The following CTNNA3 variants were observed in gnomAD, a reference collection of about 807,000 sequenced individuals.
CTNNA3 encodes catenin alpha 3, also known as catenin alpha-3.
A neutral mutation model predicts 95.7 loss-of-function variants in CTNNA3; 76 were observed. That is an observed-to-expected ratio of 0.79 (90% CI 0.66 to 0.96). CTNNA3 has a LOEUF of 0.96. CTNNA3 is among the 40% of genes least tolerant of loss of function. The probability of loss-of-function intolerance (pLI) is 0.00; values close to 1 mark genes in which losing one functional copy is unlikely to be tolerated. For missense variants in CTNNA3, 1,191 were observed against 1,089.8 expected, an observed-to-expected ratio of 1.09 and a Z score of -1.31; for synonymous variants, 431 against 374.4, an observed-to-expected ratio of 1.15 and a Z score of -1.74.
chr10:66,119,330 A>G (rs1390915223), intron 13 of CTNNA3, among the ~76,000 whole-genome samples: 1 of 152,214 alleles, frequency 6.6e-6, no homozygotes, highest in African/African-American at 2.4e-5. Context: ...ATTATTTGTA[A>G]GATGAAATTG....
chr10:66,103,073 T>C, intron 14 of CTNNA3, 84 bp downstream of exon 14: 1 of 1,108,940 alleles, frequency 9.0e-7, no homozygotes, highest in South Asian at 1.2e-5. Context: ...GTCCCACCCA[T>C]TAGAGGCTGC....
intron 11 of CTNNA3, among the ~76,000 whole-genome samples, chr10:66,425,812 C>T (rs988414364): frequency 6.6e-6 from 1 of 151,890 alleles, no homozygotes; most frequent in Non-Finnish European, 1.5e-5. Flanking sequence ...CTTTCACAAA[C>T]CAACCACACA....
chr10:67,728,071 ATAT>A (rs1841252715), intron 1 of CTNNA3, among the ~76,000 whole-genome samples: 2 of 140,724 alleles, frequency 1.4e-5, no homozygotes, highest in South Asian at 4.2e-4. Context: ...TGTATATTAC[ATAT>A]TATATATTAT....
intron 5 of CTNNA3, among the ~76,000 whole-genome samples, chr10:67,510,401 C>T (rs1839576461): frequency 6.6e-6 from 1 of 151,254 alleles, no homozygotes; most frequent in Non-Finnish European, 1.5e-5. Context: ...CAGCTTTCTA[C>T]ATATGGCTAG....
chr10:67,211,412 C>T (rs868740215), intron 6 of CTNNA3, among the ~76,000 whole-genome samples: 1 of 152,058 alleles, frequency 6.6e-6, no homozygotes, highest in Non-Finnish European at 1.5e-5. Context: ...CAAGAGCAAA[C>T]AAGGTCTAAT....
chr10:67,359,217 G>A (rs1842916918), intron 5 of CTNNA3, among the ~76,000 whole-genome samples: 1 of 148,240 alleles, frequency 6.7e-6, no homozygotes, highest in Non-Finnish European at 1.5e-5. Flanking sequence ...AAACAAAAAG[G>A]CCCATTCAAA....
intron 7 of CTNNA3, among the ~76,000 whole-genome samples, chr10:67,069,138 A>C (rs1564869502): frequency 6.6e-6 from 1 of 152,052 alleles, no homozygotes; most frequent in Non-Finnish European, 1.5e-5. Flanking sequence ...TTTAAGAGGA[A>C]ATGGGAGGTA....
intron 7 of CTNNA3, among the ~76,000 whole-genome samples, chr10:66,818,306 T>C (rs1842167677): frequency 1.0e-5 from 1 of 100,196 alleles, no homozygotes; most frequent in Non-Finnish European, 2.1e-5. Flanking sequence ...GAAAAATAAA[T>C]AAAAGTAGTC....
chr10:66,175,900 T>C (rs1324582807), intron 13 of CTNNA3, among the ~76,000 whole-genome samples: 1 of 152,210 alleles, frequency 6.6e-6, no homozygotes, highest in Non-Finnish European at 1.5e-5. Flanking sequence ...TACAAAATTA[T>C]CTGCGCTGAC....
intron 17 of CTNNA3, among the ~76,000 whole-genome samples, chr10:65,920,849 A>G (rs1319143423): frequency 6.6e-6 from 1 of 152,130 alleles, no homozygotes; most frequent in Non-Finnish European, 1.5e-5. Flanking sequence ...AATAAAAATA[A>G]AAATAACTGA....
chr10:67,377,665 A>G (rs993954741), intron 5 of CTNNA3, among the ~76,000 whole-genome samples: 2 of 152,252 alleles, frequency 1.3e-5, no homozygotes, highest in East Asian at 3.9e-4. Flanking sequence ...TAATAATTAT[A>G]TACATTTATG....
At chr10:67,052,310 A>ATCTCTCTCTCTC (rs1238182355) in intron 7 of CTNNA3, among the ~76,000 whole-genome samples, 13 of 92,746 alleles carry the variant, frequency 1.4e-4, no homozygotes, top group East Asian at 4.6e-4. Context: ...ACACCCACTC[A>ATCTCTCTCTCTC]TCACTCTCTC....
intron 7 of CTNNA3, among the ~76,000 whole-genome samples, chr10:67,030,082 A>G (rs1420672397): frequency 6.6e-6 from 1 of 152,140 alleles, no homozygotes; most frequent in Non-Finnish European, 1.5e-5. Flanking sequence ...ATCATATAGA[A>G]GGTGTATTTT....
chr10:67,342,973 G>A (rs1204837520), intron 5 of CTNNA3, among the ~76,000 whole-genome samples: 1 of 151,868 alleles, frequency 6.6e-6, no homozygotes. Flanking sequence ...TTTCTTTTGA[G>A]TCTGACTCTT....
At chr10:66,985,298 C>T (rs1850668380) in intron 7 of CTNNA3, among the ~76,000 whole-genome samples, 1 of 152,042 alleles carries the variant, frequency 6.6e-6, no homozygotes, top group African/African-American at 2.4e-5. Context: ...ACATATAATG[C>T]AGAATTCTGT....
chr10:67,261,712 A>C (rs1400884517), intron 5 of CTNNA3, among the ~76,000 whole-genome samples: 1 of 152,228 alleles, frequency 6.6e-6, no homozygotes, highest in East Asian at 1.9e-4. Flanking sequence ...TTTATTCAAA[A>C]TATTTTTATT....
chr10:67,606,865 C>A lies in CTNNA3; in HGVS notation c.284G>T (p.Arg95Leu). Reference sequence around the variant, plus strand: ...AGGATTGGAGTACTCACTTTCTTTGCGAACTTCCTCAAGTGAAGCCGTAAG... The same window carrying A: ...AGGATTGGAGTACTCACTTTCTTTGAGAACTTCCTCAAGTGAAGCCGTAAG... ...DELTASLEEV[R>L]KESEALKVSA... The change falls in exon 3 of 18, where the codon CGC (arginine) becomes CTC (leucine). Residue 95 changes from arginine to leucine, a missense_variant. Transcript: ENST00000433211. The A allele has an allele frequency of 6.2e-7, 1 of 1,612,400 alleles. No individual in the cohort carries two copies.
At chr10:67,408,891 A>AAT (rs1845253319) in intron 5 of CTNNA3, among the ~76,000 whole-genome samples, 1 of 150,906 alleles carries the variant, frequency 6.6e-6, no homozygotes, top group Non-Finnish European at 1.5e-5. Context: ...ACAAAAAAAA[A>AAT]AAAAAAAAAG....
rs1589038486 is a variant in CTNNA3 at position 66,628,448 on chromosome 10, T to G, written c.1282-6664A>C. 2.0e-5 allele frequency among the ~76,000 whole-genome samples: 3 copies of G among 152,250 alleles called. No homozygotes were observed. The South Asian group carries it at 6.2e-4, about 32-fold the overall frequency. ...AAGTCCTTAGGTTATTAAACTTAAC[T>G]GCCCCGAGTGGATTTCAGTCTGACT... On this transcript the variant is annotated intron_variant, in intron 9 of 17. Coordinates refer to ENST00000433211, the MANE Select transcript of CTNNA3 (RefSeq NM_013266.4).
Sources: allele counts gnomAD v4.1 joint callset (sites outside exome capture counted in the v4.1 genomes callset), GRCh38; gene constraint gnomAD v4.1.1; transcripts MANE v1.5; gene names NCBI Gene and HGNC (gene_info 2026-07-23, HGNC 2026-07-21).